The following PPP2R2A variants were observed in gnomAD, a reference collection of about 807,000 sequenced individuals.
PPP2R2A encodes the protein protein phosphatase 2 regulatory subunit Balpha.
PPP2R2A carries 9 observed loss-of-function variants against 53.2 expected under a neutral mutation model. That is an observed-to-expected ratio of 0.17 (90% CI 0.10 to 0.30). The LOEUF (loss-of-function observed/expected upper bound fraction) is 0.30. PPP2R2A is among the 10% of genes least tolerant of loss of function. The pLI is 1.00. For synonymous variants in PPP2R2A, 169 were observed against 174.2 expected (o/e 0.97, Z 0.23); for missense variants, 235 against 534.6 (o/e 0.44, Z 5.53).
chr8:26,337,774 G>A (rs149889205), intron 2 of PPP2R2A, among the ~76,000 whole-genome samples: 19 of 152,260 alleles, frequency 1.2e-4, no homozygotes, highest in African/African-American at 4.3e-4. Flanking sequence ...AGTTTTGTGG[G>A]AGAGCATTTG....
chr8:26,330,316 T>C (rs199709580), intron 2 of PPP2R2A, among the ~76,000 whole-genome samples: 62 of 148,562 alleles, frequency 4.2e-4, no homozygotes, highest in Middle Eastern at 3.5e-3. Flanking sequence ...TCTTTTTTTT[T>C]TTTTTTTTTT....
chr8:26,363,091 T>C, intron 7 of PPP2R2A: 1 of 373,206 alleles, frequency 2.7e-6, no homozygotes, highest in Non-Finnish European at 4.8e-6. Context: ...CTGTTGTTCT[T>C]TGGTAACTTG....
intron 2 of PPP2R2A, among the ~76,000 whole-genome samples, chr8:26,329,852 TCA>T (rs1304540083): frequency 1.3e-5 from 2 of 152,212 alleles, no homozygotes; most frequent in African/African-American, 4.8e-5. Context: ...AAAGAATTCT[TCA>T]CAGTTTTGCA....
chr8:26,363,066 A>C lies in PPP2R2A; in HGVS notation c.802+218A>C, dbSNP rs190986597. 117 of 488,300 alleles carry C rather than the reference A, an allele frequency of 2.4e-4. No homozygotes were observed. The East Asian group carries it at 3.6e-3, about 15-fold the overall frequency. The allele number at this position is 488,300 out of a possible 1,614,324, so 30.2% of individuals were successfully genotyped here. ...ATGTCTATTGATTGCCAAGGAATAT[A>C]TCTCTCATGGAATGCTGTTGTTCTT... On this transcript the variant is annotated intron_variant, in intron 7 of 9. Transcript: ENST00000380737.
At chr8:26,319,804 CTT>C (rs1802742261) in intron 2 of PPP2R2A, among the ~76,000 whole-genome samples, 2 of 152,034 alleles carry the variant, frequency 1.3e-5, no homozygotes, top group South Asian at 4.1e-4. Flanking sequence ...CATGGAATGT[CTT>C]TTCATTTATT....
intron 8 of PPP2R2A, 141 bp downstream of exon 8, chr8:26,364,031 G>A: frequency 1.5e-6 from 1 of 666,134 alleles, no homozygotes; most frequent in Non-Finnish European, 2.3e-6. Context: ...CTATGAGTAT[G>A]TTGCTCTTCC....
At chr8:26,336,425 T>C (rs1329671805) in intron 2 of PPP2R2A, among the ~76,000 whole-genome samples, 2 of 151,870 alleles carry the variant, frequency 1.3e-5, no homozygotes, top group African/African-American at 4.8e-5. Flanking sequence ...CGAAACCCCA[T>C]CTCAAAAAAT....
intron 2 of PPP2R2A, among the ~76,000 whole-genome samples, chr8:26,319,933 T>C (rs1417672822): frequency 6.6e-6 from 1 of 152,206 alleles, no homozygotes; most frequent in Non-Finnish European, 1.5e-5. Flanking sequence ...GTGAATGGAA[T>C]TGTTCTCTTA....
At chr8:26,328,546 C>A (rs182515677) in intron 2 of PPP2R2A, among the ~76,000 whole-genome samples, 7 of 152,290 alleles carry the variant, frequency 4.6e-5, no homozygotes, top group Admixed American at 1.3e-4. Flanking sequence ...CTATCAAATA[C>A]CTGTCACCTG....
intron 9 of PPP2R2A, among the ~76,000 whole-genome samples, chr8:26,367,714 A>C (rs1417170719): frequency 6.6e-6 from 1 of 152,200 alleles, no homozygotes; most frequent in Admixed American, 6.5e-5. Context: ...TTGAATGAGT[A>C]TTTCCTGACA....
intron 2 of PPP2R2A, among the ~76,000 whole-genome samples, chr8:26,320,529 T>C (rs973577344): frequency 2.0e-5 from 3 of 152,198 alleles, no homozygotes; most frequent in Non-Finnish European, 4.4e-5. Flanking sequence ...TCTTTAAGTA[T>C]TATGTATATT....
rs117552321 is a variant in PPP2R2A, at chr8:26,333,103, C to T, written c.83-5787C>T. Among the ~76,000 whole-genome samples, 322 of 152,310 alleles carry T rather than the reference C, an allele frequency of 2.1e-3. 4 individuals are homozygous for T. The highest frequency in any genetic ancestry group is 0.019 in the Admixed American group (287 of 15,300). Reference sequence around the variant, plus strand: ...ATTTTGGTTGTAACATCTGTATGTGCTTTGGCATTAGTTTGATATGACTTT... The same window carrying T: ...ATTTTGGTTGTAACATCTGTATGTGTTTTGGCATTAGTTTGATATGACTTT... On this transcript the variant is annotated intron_variant, in intron 2 of 9. Transcript: ENST00000380737.
At position 26,362,072 on chromosome 8, in the gene PPP2R2A, A is replaced by G. The variant is rs905399704; in HGVS notation, c.638-612A>G. ...TTAGATTAAGATTAATTTTAAGATT[A>G]GAAAAAGATTAATAATTAGATTAGA... On this transcript the variant is annotated intron_variant, in intron 6 of 9. Transcript: ENST00000380737. This position sits in a 1 kb window ranked among gnomAD's most constrained non-coding sequence, Gnocchi z 4.4. Among the ~76,000 whole-genome samples the G allele has an allele frequency of 9.3e-5, 14 of 150,698 alleles. No individual in the cohort carries two copies. The highest frequency in any genetic ancestry group is 2.7e-4 in the African/African-American group (11 of 41,338).
chr8:26,329,804 G>A (rs1190477201), intron 2 of PPP2R2A, among the ~76,000 whole-genome samples: 2 of 152,146 alleles, frequency 1.3e-5, no homozygotes, highest in South Asian at 2.1e-4. Context: ...TGTAAATCAA[G>A]GGAATGTTAT....
intron 2 of PPP2R2A, among the ~76,000 whole-genome samples, chr8:26,329,276 C>G (rs1021872722): frequency 6.6e-6 from 1 of 152,034 alleles, no homozygotes; most frequent in Admixed American, 6.5e-5. Flanking sequence ...GAAATATATA[C>G]TTTTAATTTG....
chr8:26,314,224 C>T (rs1171674218), intron 2 of PPP2R2A, among the ~76,000 whole-genome samples: 1 of 152,108 alleles, frequency 6.6e-6, no homozygotes, highest in Admixed American at 6.6e-5. Context: ...TCTTCAAATC[C>T]TCTGCAGAGA....
intron 2 of PPP2R2A, among the ~76,000 whole-genome samples, chr8:26,327,600 A>G (rs1053505121): frequency 6.6e-6 from 1 of 152,196 alleles, no homozygotes; most frequent in Admixed American, 6.5e-5. Context: ...AGCTCCCTCT[A>G]GAGGCCAGCA....
At chr8:26,326,574 C>A (rs1319255852) in intron 2 of PPP2R2A, among the ~76,000 whole-genome samples, 1 of 152,060 alleles carries the variant, frequency 6.6e-6, no homozygotes, top group Admixed American at 6.5e-5. Flanking sequence ...CCATAGTAAT[C>A]CTAATTTGTA....
chr8:26,304,291 T>TC (rs1298373958), intron 2 of PPP2R2A, among the ~76,000 whole-genome samples: 1 of 150,286 alleles, frequency 6.7e-6, no homozygotes, highest in Non-Finnish European at 1.5e-5. Context: ...TTTTTTTTTT[T>TC]CCTTTATTAA....
Sources: allele counts gnomAD v4.1 joint callset (sites outside exome capture counted in the v4.1 genomes callset), GRCh38; gene constraint gnomAD v4.1.1; non-coding constraint Gnocchi (gnomAD v3.1); transcripts MANE v1.5; gene names NCBI Gene and HGNC (gene_info 2026-07-23, HGNC 2026-07-21).